MSTO1: variants seen among roughly 807,000 people sequenced by gnomAD.
MSTO1 encodes the protein protein misato homolog 1.
Under a neutral mutation model 55.7 loss-of-function variants are expected in MSTO1, and 24 were observed. The observed-to-expected ratio is 0.43, with a 90% confidence interval of 0.31 to 0.61. The LOEUF (loss-of-function observed/expected upper bound fraction) is 0.61, where lower values mean the gene tolerates loss of function less well. MSTO1 is among the 20% of genes least tolerant of loss of function. MSTO1 has a pLI of 0.09. For synonymous variants in MSTO1, 162 were observed against 252.8 expected (o/e 0.64, Z 3.41); for missense variants, 363 against 625.7 (o/e 0.58, Z 4.48).
chr1:155,587,189 C>A, the MSTO1 span, among the ~76,000 whole-genome samples: 7 of 152,254 alleles, frequency 4.6e-5, no homozygotes, highest in African/African-American at 1.4e-4. Context: ...CGCTTGTAAT[C>A]CCAGCACTTT....
chr1:155,604,237 G>C, the MSTO1 span, among the ~76,000 whole-genome samples: 20 of 152,082 alleles, frequency 1.3e-4, no homozygotes, highest in Admixed American at 1.3e-4. Flanking sequence ...TGCCTTTCTG[G>C]CCTCACCTTC....
chr1:155,613,491 C>A lies in MSTO1; in HGVS notation c.1313C>A (p.Ser438Tyr), dbSNP rs370505681. ...SQLTPGTPPP[S>Y]ALHACTTGEE... Reference sequence around the variant, plus strand: ...CTCACCCCAGGGACACCTCCACCCTCTGCCCTTCATGCATGTACCACTGGG... The same window carrying A: ...CTCACCCCAGGGACACCTCCACCCTATGCCCTTCATGCATGTACCACTGGG... The change falls in exon 12 of 14, where the codon TCT becomes TAT. Residue 438 changes from serine to tyrosine, a missense_variant. Around this residue, in one of 3 missense-constraint regions of MSTO1, gnomAD observed 231 missense variants for 286.9 expected, o/e 0.81. Transcript: ENST00000245564. The A allele has an allele frequency of 3.3e-5, 54 of 1,613,926 alleles. No individual in the cohort carries two copies. The African/African-American group carries it at 5.6e-4, about 17-fold the overall frequency.
chr1:155,611,480 A>C, intron 4 of MSTO1, 69 bp from the exon 5 acceptor site: 1 of 1,613,854 alleles, frequency 6.2e-7, no homozygotes, highest in Non-Finnish European at 8.5e-7. Context: ...AGCCAACTCA[A>C]GGAGGACGAA....
In MSTO1 at chr1:155,612,252, A is replaced by G. The variant is rs772675329; in HGVS notation, c.749A>G (p.Gln250Arg). The G allele has an allele frequency of 1.3e-6, 2 of 1,592,686 alleles. No homozygotes were observed. The highest frequency in any genetic ancestry group is 4.5e-5 in the East Asian group (2 of 44,754). The change falls in exon 8 of 14, where the codon CAA becomes CGA. Residue 250 changes from glutamine to arginine, a missense_variant. Physicochemically the swap from Gln to Arg is conservative, Grantham distance 43. Coordinates refer to ENST00000245564, the MANE Select transcript of MSTO1 (RefSeq NM_018116.4). The part of the protein sequence containing the change: ...GVGAKAAELL[Q>R]DEYSGRGIIT... ...GGCGCGAAGGCGGCAGAGCTGCTAC[A>G]AGATGAATATTCAGGGCGGGGAATA...
At chr1:155,611,365 G>A (rs1387135859) in intron 4 of MSTO1, 74 bp downstream of exon 4, 4 of 1,613,292 alleles carry the variant, frequency 2.5e-6, no homozygotes, top group African/African-American at 1.3e-5. Context: ...GGTAAACGGG[G>A]ATTTTAATCA....
the MSTO1 span, chr1:155,591,077 G>C: frequency 6.2e-7 from 1 of 1,613,676 alleles, no homozygotes; most frequent in Non-Finnish European, 8.5e-7. Context: ...ACCTTGCACT[G>C]CATCTGGCTA....
intron 8 of MSTO1, 45 bp from the exon 9 acceptor site, chr1:155,612,373 C>G: frequency 6.3e-7 from 1 of 1,584,044 alleles, no homozygotes; most frequent in Non-Finnish European, 8.6e-7. Context: ...AAATCAGAAT[C>G]CCAGTGGGAG....
At chr1:155,606,518 C>T (rs1465183427), upstream of MSTO1, among the ~76,000 whole-genome samples, 3 of 151,784 alleles carry the variant, frequency 2.0e-5, no homozygotes, top group African/African-American at 7.3e-5. Flanking sequence ...CCCCAGCCTC[C>T]CGAGGAGCTG....
At chr1:155,578,004 A>C in the MSTO1 span, among the ~76,000 whole-genome samples, 2 of 152,160 alleles carry the variant, frequency 1.3e-5, no homozygotes, top group Non-Finnish European at 2.9e-5. Flanking sequence ...TTGGCCTCCC[A>C]AAGAGCTGGG....
chr1:155,569,164 C>G, the MSTO1 span, among the ~76,000 whole-genome samples: 1 of 151,812 alleles, frequency 6.6e-6, no homozygotes, highest in Non-Finnish European at 1.5e-5. Context: ...GAAACAGAGT[C>G]TTGCACTGTC....
chr1:155,606,531 A>G (rs1672938964), upstream of MSTO1, among the ~76,000 whole-genome samples: 1 of 151,734 alleles, frequency 6.6e-6, no homozygotes, highest in Non-Finnish European at 1.5e-5. Context: ...AGGAGCTGGG[A>G]CCACAGGCGC....
At chr1:155,604,765 C>CT in the MSTO1 span, among the ~76,000 whole-genome samples, 46 of 152,180 alleles carry the variant, frequency 3.0e-4, no homozygotes, top group Middle Eastern at 3.4e-3. Flanking sequence ...GTCCCAGCTA[C>CT]TTGGGGGGCT....
the MSTO1 span, among the ~76,000 whole-genome samples, chr1:155,596,075 A>C: frequency 6.6e-6 from 1 of 152,196 alleles, no homozygotes; most frequent in Non-Finnish European, 1.5e-5. Context: ...CTACCCTCTG[A>C]GTCTTCCCAT....
upstream of MSTO1, among the ~76,000 whole-genome samples, chr1:155,609,291 G>A (rs538134062): frequency 1.4e-3 from 172 of 119,434 alleles, 2 homozygotes; most frequent in African/African-American, 5.3e-3. Context: ...TGTCGCCCAG[G>A]ATGGAGTGCA....
chr1:155,609,217 G>GTGTA (rs1217015414), upstream of MSTO1, among the ~76,000 whole-genome samples: 25 of 84,530 alleles, frequency 3.0e-4, no homozygotes, highest in African/African-American at 1.1e-3. Flanking sequence ...ATTATCAGCA[G>GTGTA]TATATATATA....
chr1:155,601,062 G>T, the MSTO1 span, among the ~76,000 whole-genome samples: 1 of 143,048 alleles, frequency 7.0e-6, no homozygotes, highest in South Asian at 2.2e-4. Flanking sequence ...TCAGGTGATC[G>T]CCCACCTCGG....
upstream of MSTO1, among the ~76,000 whole-genome samples, chr1:155,609,017 G>C (rs1269538012): frequency 6.7e-5 from 10 of 149,070 alleles, no homozygotes; most frequent in Non-Finnish European, 1.3e-4. Context: ...GTAGAGACCG[G>C]GGTTTCATCA....
the MSTO1 span, among the ~76,000 whole-genome samples, chr1:155,572,765 C>G: frequency 3.7e-4 from 57 of 152,188 alleles, no homozygotes; most frequent in African/African-American, 1.3e-3. Context: ...ATTCTCCCAC[C>G]TCAGCCTCCC....
At chr1:155,602,424 G>A in the MSTO1 span, among the ~76,000 whole-genome samples, 17 of 152,194 alleles carry the variant, frequency 1.1e-4, no homozygotes, top group South Asian at 4.1e-4. Flanking sequence ...TGCGGTGAGC[G>A]GAGATCTTGC....
Sources: allele counts gnomAD v4.1 joint callset (sites outside exome capture counted in the v4.1 genomes callset), GRCh38; gene constraint gnomAD v4.1.1; regional missense constraint gnomAD v4.1.1; transcripts MANE v1.5; gene names NCBI Gene and HGNC (gene_info 2026-07-23, HGNC 2026-07-21).